The following THRAP3 variants were observed in gnomAD, a reference collection of about 807,000 sequenced individuals.
THRAP3 encodes thyroid hormone receptor-associated protein 3.
Under a neutral mutation model 101.0 loss-of-function variants are expected in THRAP3, and 16 were observed. The observed-to-expected ratio is 0.16, with a 90% CI of 0.11 to 0.24. THRAP3 has a LOEUF of 0.24. THRAP3 is among the 10% of genes least tolerant of loss of function. The pLI is 1.00. For missense variants in THRAP3, 989 were observed against 1,202.7 expected, an observed-to-expected ratio of 0.82 and a Z score of 2.63; for synonymous variants, 407 against 422.6, an observed-to-expected ratio of 0.96 and a Z score of 0.45.
intron 1 of THRAP3, among the ~76,000 whole-genome samples, chr1:36,241,236 C>T (rs1006092948): frequency 8.0e-5 from 12 of 150,278 alleles, no homozygotes; most frequent in African/African-American, 2.2e-4. Flanking sequence ...AAATACGTGC[C>T]GCTGACACCT....
intron 6 of THRAP3, 72 bp downstream of exon 6, chr1:36,291,618 A>G: frequency 6.4e-7 from 1 of 1,554,750 alleles, no homozygotes; most frequent in Non-Finnish European, 8.8e-7. Context: ...TGGGTGGATA[A>G]GGAGTTTTGG....
At chr1:36,301,139 ATCACG>A in intron 10 of THRAP3, 55 bp downstream of exon 10, 1 of 1,532,422 alleles carries the variant, frequency 6.5e-7, no homozygotes, top group South Asian at 1.2e-5. Context: ...ACCAGCTTTG[ATCACG>A]TTTCATCAGA....
chr1:36,288,665 A>G (rs975304252), intron 4 of THRAP3: 20 of 985,358 alleles, frequency 2.0e-5, no homozygotes, highest in East Asian at 1.1e-4. Flanking sequence ...TGAACATTCT[A>G]TGTTAACTTT....
At position 36,293,886 on chromosome 1, in the gene THRAP3, A is replaced by G. The variant is rs1645913198; in HGVS notation, c.2066A>G (p.His689Arg). ...IDISPSTFRK[H>R]GLAHDEMKSP... The stretch of plus-strand genomic sequence containing the variant: ...ATTTCCCCCAGTACATTCAGAAAAC[A>G]TGGTTTGGCTCATGATGAAATGAAA... The change falls in exon 8 of 12, where the codon CAT (histidine) becomes CGT (arginine). Residue 689 changes from histidine (H) to arginine (R), a missense_variant. Transcript: ENST00000354618. The G allele has an allele frequency of 1.2e-6, 2 of 1,613,864 alleles. No individual in the cohort carries two copies. Among genetic ancestry groups the G allele is most frequent in the East Asian group, 2.2e-5 (1 of 44,874 alleles).
In THRAP3 at chr1:36,282,706, G is replaced by A. The variant is rs1645748876; in HGVS notation, c.137+6G>A. ...TCAAGGAAGCGCAGGCTGAGGTAAG[G>A]GGGTGTGACTTTGTATATTGAGATA... On this transcript the variant is annotated splice_donor_region_variant and intron_variant, in intron 3 of 11. Transcript: ENST00000354618. 6.2e-7 allele frequency: 1 copy of A among 1,614,028 alleles called. No homozygotes were observed. The highest frequency in any genetic ancestry group is 8.5e-7 in the Non-Finnish European group (1 of 1,179,950).
Position 36,259,461 on chromosome 1 carries a change from G to A in THRAP3, c.-55G>A, listed in dbSNP as rs1645416409. ...TGGGGTAGTGTCTGGGATCCAGTAC[G>A]AGTTGAATCATTGTTCAAATAAGGT... On this transcript the variant is annotated 5_prime_UTR_variant, in exon 2 of 12. Transcript: ENST00000354618. 7.5e-6 allele frequency: 3 copies of A among 398,566 alleles called. No individual in the cohort carries two copies. Among genetic ancestry groups the A allele is most frequent in the Non-Finnish European group, 1.3e-5 (3 of 226,052 alleles). The allele number at this position is 398,566 out of a possible 1,614,324, so 24.7% of individuals were successfully genotyped here.
At chr1:36,248,317 T>A (rs1250025801) in intron 1 of THRAP3, among the ~76,000 whole-genome samples, 1 of 152,164 alleles carries the variant, frequency 6.6e-6, no homozygotes, top group East Asian at 1.9e-4. Context: ...TGAATACTTT[T>A]ATTGTAGAGA....
rs1264453182 is a variant in THRAP3 at position 36,304,933 on chromosome 1, TGAAAA to T, written c.*921_*925del. The T allele has an allele frequency of 7.7e-5, 16 of 208,830 alleles. No individual in the cohort carries two copies. The highest frequency in any genetic ancestry group is 1.5e-3 in the Middle Eastern group (1 of 658). The allele number at this position is 208,830 out of a possible 1,614,324, so 12.9% of individuals were successfully genotyped here. A position where few individuals can be genotyped will look rare whatever the true frequency, so the allele number is the denominator to read the frequency against. ...ATTTTTTATTAATCTTTTTATAAAA[TGAAAA>T]GAAACTCCTATGATCGATTAAGGAA... On this transcript the variant is annotated 3_prime_UTR_variant, in exon 12 of 12. Transcript: ENST00000354618.
At position 36,304,125 on chromosome 1, in the gene THRAP3, A is replaced by G. The variant is rs546217428; in HGVS notation, c.*108A>G. 1 of 1,394,420 alleles carries G rather than the reference A, an allele frequency of 7.2e-7. No individual in the cohort carries two copies. Among genetic ancestry groups the G allele is most frequent in the South Asian group, 1.6e-5 (1 of 61,958 alleles). 86.4% of individuals were successfully genotyped at this position (1,394,420 alleles called of 1,614,324 possible). A position where few individuals can be genotyped will look rare whatever the true frequency, so the allele number is the denominator to read the frequency against. On this transcript the variant is annotated 3_prime_UTR_variant, in exon 12 of 12. Transcript: ENST00000354618. ...AGAAGATTCTGAAAATCCTACCCCCACCCCCCACCAGCCGCACAGATTGTA... is the reference window on the plus strand; with the variant it reads ...AGAAGATTCTGAAAATCCTACCCCCGCCCCCCACCAGCCGCACAGATTGTA...
the THRAP3 span, among the ~76,000 whole-genome samples, chr1:36,210,410 T>C: frequency 2.9e-5 from 4 of 140,002 alleles, no homozygotes; most frequent in Non-Finnish European, 6.2e-5. Flanking sequence ...AATTATAGGC[T>C]GGGCACAGTG....
chr1:36,219,138 AAAG>A, the THRAP3 span, among the ~76,000 whole-genome samples: 1 of 152,168 alleles, frequency 6.6e-6, no homozygotes, highest in African/African-American at 2.4e-5. Flanking sequence ...AGTGACCTAC[AAAG>A]AAGATCAGAT....
the THRAP3 span, among the ~76,000 whole-genome samples, chr1:36,214,592 C>A: frequency 6.6e-6 from 1 of 152,164 alleles, no homozygotes; most frequent in Admixed American, 6.6e-5. Flanking sequence ...GGCTCATTGG[C>A]TTATGCCTGT....
At chr1:36,248,661 A>C (rs910513513) in intron 1 of THRAP3, among the ~76,000 whole-genome samples, 1 of 151,498 alleles carries the variant, frequency 6.6e-6, no homozygotes, top group Non-Finnish European at 1.5e-5. Flanking sequence ...CCAGCATTTT[A>C]TATTTCTTTG....
rs1226574071 is a variant in THRAP3 at position 36,300,891 on chromosome 1, A to G, written c.2309A>G (p.His770Arg). 1.9e-6 allele frequency: 3 copies of G among 1,612,904 alleles called. No individual in the cohort carries two copies. Among genetic ancestry groups the G allele is most frequent in the Middle Eastern group, 1.9e-4 (1 of 5,312 alleles). ...THKGSKKQKK[H>R]RRARDRSRSS... ...TGGCTCTTCTCTTTTCACAGGAAGC[A>G]TCGGAGAGCAAGAGACAGGTCCAGA... Residue 770 changes from histidine to arginine, a missense_variant, in exon 10 of 12, where the codon CAT becomes CGT. Coordinates refer to ENST00000354618, the MANE Select transcript of THRAP3 (RefSeq NM_005119.4).
intron 1 of THRAP3, among the ~76,000 whole-genome samples, chr1:36,249,804 GGAA>G (rs1645277073): frequency 6.6e-6 from 1 of 151,864 alleles, no homozygotes; most frequent in South Asian, 2.1e-4. Context: ...GTGTGGAACA[GGAA>G]AGTTCATTCT....
At chr1:36,285,851 G>A (rs2124595449) in intron 3 of THRAP3, among the ~76,000 whole-genome samples, 1 of 152,274 alleles carries the variant, frequency 6.6e-6, no homozygotes, top group African/African-American at 2.4e-5. Flanking sequence ...AAGCCTTAGT[G>A]GTATCTTAAG....
chr1:36,236,480 C>T (rs1645089849), intron 1 of THRAP3, among the ~76,000 whole-genome samples: 1 of 151,852 alleles, frequency 6.6e-6, no homozygotes, highest in Non-Finnish European at 1.5e-5. Flanking sequence ...TCCTTTTCCT[C>T]CTTCCTTCTC....
intron 2 of THRAP3, among the ~76,000 whole-genome samples, chr1:36,279,080 A>G (rs1645699935): frequency 6.6e-6 from 1 of 152,158 alleles, no homozygotes; most frequent in Admixed American, 6.5e-5. Context: ...TAAGCTTAAT[A>G]TGTGCAGAAT....
intron 1 of THRAP3, among the ~76,000 whole-genome samples, chr1:36,237,644 G>A (rs1324215088): frequency 5.9e-5 from 9 of 151,718 alleles, no homozygotes; most frequent in Admixed American, 2.0e-4. Flanking sequence ...TGTGGCGGGC[G>A]CCTGTAATCC....
Sources: allele counts gnomAD v4.1 joint callset (sites outside exome capture counted in the v4.1 genomes callset), GRCh38; gene constraint gnomAD v4.1.1; transcripts MANE v1.5; gene names NCBI Gene and HGNC (gene_info 2026-07-23, HGNC 2026-07-21).